The following EDEM1 variants were observed in gnomAD, a reference collection of about 807,000 sequenced individuals.
The protein encoded by EDEM1 is ER degradation-enhancing alpha-mannosidase-like protein 1.
In EDEM1, 67 loss-of-function variants were observed where a neutral mutation model predicts 74.4. The observed-to-expected ratio is 0.90, with a 90% confidence interval of 0.74 to 1.10. The LOEUF is 1.10. Ranked by LOEUF, EDEM1 falls within the 50% of genes least tolerant of loss-of-function variation. EDEM1 has a pLI of 0.00. For synonymous variants in EDEM1, 382 were observed against 335.9 expected (o/e 1.14, Z -1.50); for missense variants, 926 against 851.6 (o/e 1.09, Z -1.09).
intron 2 of EDEM1, 96 bp from the exon 3 acceptor site, chr3:5,199,496 A>G (rs1575586619): frequency 1.2e-6 from 1 of 832,406 alleles, no homozygotes; most frequent in South Asian, 1.7e-5. Flanking sequence ...GCAAAACCAC[A>G]TACAGACATT....
chr3:5,199,639 C>G lies in EDEM1; in HGVS notation c.630C>G (p.Ile210Met), dbSNP rs1215456174. ...TCCAGAAAGCCGTCAAGTTAGTGAT[C>G]AACACAGTTTCATTTGACAAAGATT... ...SEFQKAVKLV[I>M]NTVSFDKDST... is the part of the protein sequence containing the mutation. Residue 210 changes from isoleucine (I) to methionine (M), a missense_variant, in exon 3 of 12, where the codon ATC becomes ATG. Coordinates refer to ENST00000256497, the MANE Select transcript of EDEM1 (RefSeq NM_014674.3). 5 of 1,613,818 alleles carry G rather than the reference C, an allele frequency of 3.1e-6. No homozygotes were observed. The highest frequency in any genetic ancestry group is 4.2e-6 in the Non-Finnish European group (5 of 1,179,880).
At chr3:5,200,568 CT>C (rs752113823) in intron 3 of EDEM1, among the ~76,000 whole-genome samples, 8 of 152,050 alleles carry the variant, frequency 5.3e-5, no homozygotes, top group Non-Finnish European at 8.8e-5. Context: ...CTGTTTACAT[CT>C]TTTGAAAATT....
At chr3:5,215,724 G>T (rs878912489) in intron 11 of EDEM1, 105 bp from the exon 12 acceptor site, 10 of 1,053,804 alleles carry the variant, frequency 9.5e-6, no homozygotes, top group South Asian at 9.1e-5. Context: ...ACTTCCAAAC[G>T]TCAGTAGTTC....
At chr3:5,194,837 A>G (rs979710120) in intron 1 of EDEM1, among the ~76,000 whole-genome samples, 5 of 152,222 alleles carry the variant, frequency 3.3e-5, no homozygotes, top group African/African-American at 1.2e-4. Flanking sequence ...TCGTATGACA[A>G]GGGCTCTTCT....
intron 10 of EDEM1, chr3:5,211,440 T>C (rs1240755188): frequency 4.1e-6 from 2 of 487,978 alleles, no homozygotes; most frequent in African/African-American, 2.0e-5. Flanking sequence ...ACTGAACTTA[T>C]GATTACAAAC....
Position 5,201,840 on chromosome 3 carries a change from T to C in EDEM1, c.774T>C (p.Asn258=). The change falls in exon 4 of 12, where the codon AAT becomes AAC. Residue 258 remains asparagine, a synonymous_variant. Transcript: ENST00000256497. The part of the protein sequence containing the change: ...FGDMTIKDYD[N]ELLYMAHDLA... ...ACATGACAATTAAGGACTATGATAA[T>C]GAGTTGTTATACATGGCCCATGACC... is the stretch of plus-strand genomic sequence containing the variant. 1 of 1,613,854 alleles carries C rather than the reference T, an allele frequency of 6.2e-7. No homozygotes were observed. The highest frequency in any genetic ancestry group is 2.2e-5 in the East Asian group (1 of 44,884).
At chr3:5,195,115 T>C in intron 1 of EDEM1, 94 bp from the exon 2 acceptor site, 1 of 615,762 alleles carries the variant, frequency 1.6e-6, no homozygotes. Flanking sequence ...TAAATAAGAG[T>C]TGCTGGCAAT....
chr3:5,219,709 A>T lies in EDEM1; in HGVS notation c.*3791A>T, dbSNP rs1026822130. On this transcript the variant is annotated 3_prime_UTR_variant, in exon 12 of 12. Coordinates refer to ENST00000256497, the MANE Select transcript of EDEM1 (RefSeq NM_014674.3). Reference sequence around the variant, plus strand: ...AAAGGTAAATCTTTTTACAAAAAAAAGTATAGAGTTGGAAACTCTGGGAAA... The same window carrying T: ...AAAGGTAAATCTTTTTACAAAAAAATGTATAGAGTTGGAAACTCTGGGAAA... 1.3e-5 allele frequency: 2 copies of T among 152,812 alleles called. No homozygotes were observed. Among genetic ancestry groups the T allele is most frequent in the South Asian group, 4.1e-4 (2 of 4,828 alleles). The allele number at this position is 152,812 out of a possible 1,614,324, so 9.5% of individuals were successfully genotyped here.
intron 1 of EDEM1, among the ~76,000 whole-genome samples, chr3:5,194,750 A>G (rs1356426422): frequency 1.7e-4 from 26 of 152,236 alleles, no homozygotes; most frequent in Admixed American, 1.7e-3. Context: ...TGACACTGTC[A>G]ATTAATGTAT....
At chr3:5,215,345 G>T (rs187553453) in intron 11 of EDEM1, among the ~76,000 whole-genome samples, 6,256 of 146,714 alleles carry the variant, frequency 0.043, 141 homozygotes, top group African/African-American at 0.063. Flanking sequence ...AGAGTTTAGT[G>T]AGTTGTGAAT....
At position 5,213,410 on chromosome 3, in the gene EDEM1, G is replaced by A. The variant is rs200943819; in HGVS notation, c.1772G>A (p.Arg591Gln). 4.1e-5 allele frequency: 66 copies of A among 1,614,066 alleles called. 1 individual carries two copies. In the South Asian group the frequency reaches 5.4e-4, roughly 13 times the overall value. Residue 591 changes from arginine (R) to glutamine (Q), a missense_variant, in exon 11 of 12, where the codon CGG becomes CAG. Physicochemically the swap from Arg to Gln is conservative, Grantham distance 43 (BLOSUM62 1). Coordinates refer to ENST00000256497, the MANE Select transcript of EDEM1 (RefSeq NM_014674.3). ...GHIVSVDEHL[R>Q]ELPWKEFFSE... ...ATTGTATCTGTGGATGAGCATCTTC[G>A]GGAATTGCCATGGAAGGAATTCTTC... is the stretch of plus-strand genomic sequence containing the variant.
At chr3:5,192,171 A>T (rs1431377951) in intron 1 of EDEM1, among the ~76,000 whole-genome samples, 2 of 152,072 alleles carry the variant, frequency 1.3e-5, no homozygotes. Flanking sequence ...TCTTCTTTTG[A>T]TTCCTTTCCT....
In EDEM1 at chr3:5,205,048, G is replaced by T. The variant is rs545587020; in HGVS notation, c.1043-19G>T. 2.5e-6 allele frequency: 4 copies of T among 1,612,498 alleles called. No individual in the cohort carries two copies. In the East Asian group the frequency reaches 8.9e-5, roughly 36 times the overall value. ...CGATGAGACAGCTGGGACCTCAAGT[G>T]CCTTGTTTATTTTTGCAGGCAATGT... On this transcript the variant is annotated intron_variant, in intron 5 of 11. Transcript: ENST00000256497.
rs3732713 is a variant in EDEM1, at chr3:5,188,463, G to A, written c.509+149G>A. 4.2e-5 allele frequency: 39 copies of A among 924,912 alleles called. No homozygotes were observed. In the East Asian group the frequency reaches 1.2e-3, roughly 29 times the overall value. 57.3% of individuals were successfully genotyped at this position (924,912 alleles called of 1,614,324 possible). A position where few individuals can be genotyped will look rare whatever the true frequency, so the allele number is the denominator to read the frequency against. ...CGCTCCCGCGCCCTGTCCCGTGTGA[G>A]TCCCTGTGAAGACCCCCGAGCTTGA... On this transcript the variant is annotated intron_variant, in intron 1 of 11. Coordinates refer to ENST00000256497, the MANE Select transcript of EDEM1 (RefSeq NM_014674.3).
chr3:5,202,940 C>G, intron 4 of EDEM1, 26 bp from the exon 5 acceptor site: 1 of 1,603,782 alleles, frequency 6.2e-7, no homozygotes, highest in African/African-American at 1.3e-5. Flanking sequence ...AGTTTTGTCA[C>G]AGTCTTTGTC....
intron 5 of EDEM1, among the ~76,000 whole-genome samples, chr3:5,204,637 C>T (rs2055074033): frequency 6.6e-6 from 1 of 152,170 alleles, no homozygotes; most frequent in Non-Finnish European, 1.5e-5. Flanking sequence ...AGCGATCCAC[C>T]TGCCTCGGCT....
Position 5,211,225 on chromosome 3 carries a change from G to T in EDEM1, c.1680+9G>T. 1.9e-6 allele frequency: 3 copies of T among 1,611,766 alleles called. No individual in the cohort carries two copies. The South Asian group carries it at 3.3e-5, about 18-fold the overall frequency. On this transcript the variant is annotated intron_variant, in intron 10 of 11. Coordinates refer to ENST00000256497, the MANE Select transcript of EDEM1 (RefSeq NM_014674.3). ...GTAAATATTTGTATCTGGTATGTGT[G>T]TTGCAAGATGAACCCAGGAATATTT...
At position 5,213,497 on chromosome 3, in the gene EDEM1, T is replaced by A. The variant is rs1453820156; in HGVS notation, c.1859T>A (p.Leu620Ter). The A allele has an allele frequency of 6.2e-7, 1 of 1,612,190 alleles. No homozygotes were observed. The highest frequency in any genetic ancestry group is 1.1e-5 in the South Asian group (1 of 90,880). ...GTGCACAGGCCGAAACCTCATGAGT[T>A]AAAAGTCATCAACTCCAGCTCCAAC... ...KSVHRPKPHE[L>*]KVINSSSNCN... Residue 620 changes from leucine (L) to a stop codon, truncating the protein, a stop_gained, in exon 11 of 12, where the codon TTA (leucine) becomes TAA (stop). Coordinates refer to ENST00000256497, the MANE Select transcript of EDEM1 (RefSeq NM_014674.3). LOFTEE classifies it high-confidence loss of function.
intron 8 of EDEM1, 51 bp downstream of exon 8, chr3:5,208,314 C>T: frequency 1.3e-6 from 2 of 1,574,890 alleles, no homozygotes; most frequent in Non-Finnish European, 8.6e-7. Flanking sequence ...CCCCTGACCC[C>T]AGCAGTTCAT....
Sources: gnomAD v4.1 joint callset for allele counts (sites outside exome capture counted in the v4.1 genomes callset) on GRCh38, gnomAD v4.1.1 for gene constraint, MANE v1.5 for transcripts, NCBI Gene and HGNC (gene_info 2026-07-23, HGNC 2026-07-21) for gene names.